Variants in LRPPRC observed in about 807,000 individuals in gnomAD.
The protein encoded by LRPPRC is leucine rich pentatricopeptide repeat containing.
In LRPPRC, 120 loss-of-function variants were observed where a neutral mutation model predicts 180.3. The ratio of observed to expected loss-of-function variants is 0.67; its 90% CI spans 0.57 to 0.77. LRPPRC has a LOEUF of 0.77. LRPPRC is among the 30% of genes least tolerant of loss of function. The pLI is 0.00. For missense variants in LRPPRC, 2,012 were observed against 1,657.2 expected (o/e 1.21, Z -3.72); for synonymous variants, 723 against 600.0 (o/e 1.21, Z -3.00).
At chr2:43,950,898 C>T (rs921829662) in intron 14 of LRPPRC, among the ~76,000 whole-genome samples, 3 of 152,086 alleles carry the variant, frequency 2.0e-5, no homozygotes, top group Non-Finnish European at 2.9e-5. Context: ...GGTGAAATCC[C>T]GTCTCCACTA....
chr2:43,927,127 C>T (rs1364843766), intron 25 of LRPPRC, among the ~76,000 whole-genome samples: 3 of 152,216 alleles, frequency 2.0e-5, no homozygotes, highest in Admixed American at 6.5e-5. Flanking sequence ...CCATTAAATA[C>T]TACATTTCAA....
At chr2:43,901,629 A>G (rs1427069292) in intron 31 of LRPPRC, 105 bp from the exon 32 acceptor site, 1 of 729,804 alleles carries the variant, frequency 1.4e-6, no homozygotes, top group Non-Finnish European at 2.5e-6. Context: ...GCCATAAACA[A>G]AAAGCTATGA....
intron 25 of LRPPRC, among the ~76,000 whole-genome samples, chr2:43,927,448 A>T (rs1331223719): frequency 6.6e-6 from 1 of 152,218 alleles, no homozygotes; most frequent in Non-Finnish European, 1.5e-5. Flanking sequence ...ATCAATGATG[A>T]ATAAATTAGT....
At position 43,894,584 on chromosome 2, in the gene LRPPRC, C is replaced by T; in HGVS notation, c.3946G>A (p.Glu1316Lys). 1.3e-6 allele frequency: 2 copies of T among 1,574,362 alleles called. No individual in the cohort carries two copies. Among genetic ancestry groups the T allele is most frequent in the Non-Finnish European group, 1.7e-6 (2 of 1,144,194 alleles). Reference protein sequence around the residue: ...SVLELIPELNEKEEAYNSLMK... With the variant: ...SVLELIPELNKKEEAYNSLMK... ...AGGGAATTGTATGCTTCTTCCTTTT[C>T]ATTTAATTCAGGAATCAATTCTAAC... The change falls in exon 36 of 38, where the codon GAA (glutamate) becomes AAA (lysine). Residue 1316 changes from glutamate to lysine, a missense_variant. Glu to Lys is a moderately conservative substitution (Grantham distance 56). Coordinates refer to ENST00000260665, the MANE Select transcript of LRPPRC (RefSeq NM_133259.4).
chr2:43,952,118 G>A (rs929024810), intron 14 of LRPPRC, among the ~76,000 whole-genome samples: 2 of 152,200 alleles, frequency 1.3e-5, no homozygotes, highest in East Asian at 1.9e-4. Flanking sequence ...GCTTGAACCC[G>A]GGAGGCGGAG....
At chr2:43,970,071 T>TA (rs1169358826) in intron 11 of LRPPRC, among the ~76,000 whole-genome samples, 3 of 152,194 alleles carry the variant, frequency 2.0e-5, no homozygotes, top group Non-Finnish European at 1.5e-5. Context: ...TCTCAGATGA[T>TA]AGATTTTTCA....
intron 11 of LRPPRC, 74 bp from the exon 12 acceptor site, chr2:43,963,780 C>G (rs2103673649): frequency 5.9e-6 from 5 of 852,968 alleles, no homozygotes; most frequent in South Asian, 1.3e-5. Context: ...AAGTTCAGTT[C>G]AATTATTTTC....
chr2:43,910,184 T>A (rs563432547), intron 30 of LRPPRC, among the ~76,000 whole-genome samples: 2 of 152,132 alleles, frequency 1.3e-5, no homozygotes, highest in South Asian at 4.1e-4. Context: ...ATGAGCAGCA[T>A]GCACACTGCA....
intron 31 of LRPPRC, chr2:43,901,790 T>C: frequency 2.4e-6 from 1 of 418,734 alleles, no homozygotes; most frequent in South Asian, 2.9e-5. Context: ...ATGAGTTCCA[T>C]TTAGGGATAA....
intron 14 of LRPPRC, among the ~76,000 whole-genome samples, chr2:43,956,478 C>CGTGTGTGT (rs56919652): frequency 0.092 from 13,177 of 142,470 alleles, 932 homozygotes; most frequent in East Asian, 0.39. Context: ...AAGAAAAAAA[C>CGTGTGTGT]GTGTGTGTGT....
chr2:43,932,991 G>A (rs1194454186), intron 25 of LRPPRC, among the ~76,000 whole-genome samples: 4 of 152,172 alleles, frequency 2.6e-5, no homozygotes, highest in African/African-American at 9.7e-5. Flanking sequence ...CAGAGGAGCA[G>A]AACTCAATAG....
intron 11 of LRPPRC, among the ~76,000 whole-genome samples, chr2:43,967,785 GCA>G (rs1227463289): frequency 6.6e-6 from 1 of 152,194 alleles, no homozygotes; most frequent in African/African-American, 2.4e-5. Flanking sequence ...GGTCCACACT[GCA>G]CACAGAAGCC....
intron 16 of LRPPRC, 138 bp downstream of exon 16, chr2:43,949,464 A>ATT: frequency 2.8e-6 from 2 of 710,904 alleles, no homozygotes; most frequent in Non-Finnish European, 5.1e-6. Context: ...GTTGTAATCA[A>ATT]TATAAAGATT....
chr2:43,986,319 G>T (rs1385154405), intron 1 of LRPPRC, among the ~76,000 whole-genome samples: 1 of 151,920 alleles, frequency 6.6e-6, no homozygotes, highest in Non-Finnish European at 1.5e-5. Flanking sequence ...TAGTACAGAC[G>T]GAGTTTTACC....
chr2:43,925,826 G>T, intron 26 of LRPPRC, 67 bp downstream of exon 26: 2 of 1,006,296 alleles, frequency 2.0e-6, no homozygotes, highest in Non-Finnish European at 3.2e-6. Context: ...ATCTTCATGT[G>T]ATACAGAGGA....
intron 1 of LRPPRC, 113 bp from the exon 2 acceptor site, chr2:43,982,547 C>T: frequency 1.3e-6 from 1 of 777,942 alleles, no homozygotes. Flanking sequence ...AATCACAGTA[C>T]AATACCAAAA....
At chr2:43,984,321 A>G (rs1674435313) in intron 1 of LRPPRC, among the ~76,000 whole-genome samples, 1 of 152,210 alleles carries the variant, frequency 6.6e-6, no homozygotes, top group African/African-American at 2.4e-5. Flanking sequence ...TGCAAATCTG[A>G]TAAACTGTTA....
At chr2:43,987,204 T>A (rs62135120) in intron 1 of LRPPRC, among the ~76,000 whole-genome samples, 1 of 152,046 alleles carries the variant, frequency 6.6e-6, no homozygotes, top group Non-Finnish European at 1.5e-5. Context: ...TTAAAAATGT[T>A]TGGTAATGAG....
chr2:43,954,392 C>T (rs995031088), intron 14 of LRPPRC, among the ~76,000 whole-genome samples: 2 of 152,282 alleles, frequency 1.3e-5, no homozygotes, highest in East Asian at 1.9e-4. Flanking sequence ...GAAAATTATA[C>T]ATTAAGATGT....
Sources: gnomAD v4.1 joint callset for allele counts (sites outside exome capture counted in the v4.1 genomes callset) on GRCh38, gnomAD v4.1.1 for gene constraint, MANE v1.5 for transcripts, NCBI Gene and HGNC (gene_info 2026-07-23, HGNC 2026-07-21) for gene names.